SSU72: variants seen among roughly 807,000 people sequenced by gnomAD.
The protein encoded by SSU72 is RNA polymerase II subunit A C-terminal domain phosphatase SSU72.
SSU72 carries 12 observed loss-of-function variants against 22.7 expected under a neutral mutation model. The ratio of observed to expected loss-of-function variants is 0.53; its 90% CI spans 0.34 to 0.86. The LOEUF (loss-of-function observed/expected upper bound fraction) is 0.86. SSU72 is among the 40% of genes least tolerant of loss of function. The pLI is 0.02. For synonymous variants in SSU72, 116 were observed against 98.3 expected (o/e 1.18, Z -1.06); for missense variants, 151 against 249.8 (o/e 0.60, Z 2.67).
intron 1 of SSU72, among the ~76,000 whole-genome samples, chr1:1,566,347 AT>A (rs1642661308): frequency 6.6e-6 from 1 of 152,226 alleles, no homozygotes; most frequent in Non-Finnish European, 1.5e-5. Flanking sequence ...TACCTAAAAA[AT>A]ATAGACTTCT....
chr1:1,572,153 C>G (rs1317482078), intron 1 of SSU72, among the ~76,000 whole-genome samples: 2 of 149,624 alleles, frequency 1.3e-5, no homozygotes, highest in African/African-American at 2.4e-5. Context: ...TCTTGCCAGG[C>G]GCAGTAGCTC....
chr1:1,568,213 C>G (rs946186553), intron 1 of SSU72, among the ~76,000 whole-genome samples: 6 of 152,252 alleles, frequency 3.9e-5, no homozygotes, highest in Non-Finnish European at 5.9e-5. Flanking sequence ...GGAAAACACT[C>G]CTGACACCAA....
At position 1,574,552 on chromosome 1, in the gene SSU72, C is replaced by T; in HGVS notation, c.6G>A (p.Pro2=). 1 of 1,586,214 alleles carries T rather than the reference C, an allele frequency of 6.3e-7. No individual in the cohort carries two copies. The highest frequency in any genetic ancestry group is 8.6e-7 in the Non-Finnish European group (1 of 1,169,242). ...CCACCGCCACCCGCAGCGGGGACGA[C>T]GGCATGGCGGCGGCCGCAAATCCCG... The part of the protein sequence containing the change: M[P]SSPLRVAVVC... The change falls in exon 1 of 5, where the codon CCG becomes CCA. Residue 2 remains proline, a synonymous_variant. Coordinates refer to ENST00000291386, the MANE Select transcript of SSU72 (RefSeq NM_014188.3).
In SSU72 at chr1:1,564,490, A is replaced by C. The variant is rs574946977; in HGVS notation, c.224+283T>G. 4.7e-6 allele frequency: 7 copies of C among 1,485,082 alleles called. No individual in the cohort carries two copies. In the South Asian group the frequency reaches 9.6e-5, roughly 20 times the overall value. 92.0% of individuals were successfully genotyped at this position (1,485,082 alleles called of 1,614,324 possible). Reference sequence around the variant, plus strand: ...TTTGTGGGTTCCACCTCCTCACCTAAGCATCCCTGGTCTACGCTATGTCAC... The same window carrying C: ...TTTGTGGGTTCCACCTCCTCACCTACGCATCCCTGGTCTACGCTATGTCAC... On this transcript the variant is annotated intron_variant, in intron 2 of 4. Coordinates refer to ENST00000291386, the MANE Select transcript of SSU72 (RefSeq NM_014188.3).
Position 1,541,771 on chromosome 1 carries a change from C to A in SSU72, c.*295G>T. ...CCCGGTGGGGAGGAGGGAGGGAAGG[C>A]AGGCACACGAAGACACAGGTATGTC... On this transcript the variant is annotated 3_prime_UTR_variant, in exon 5 of 5. Transcript: ENST00000291386. 2.5e-6 allele frequency: 1 copy of A among 400,358 alleles called. No homozygotes were observed. Among genetic ancestry groups the A allele is most frequent in the Non-Finnish European group, 4.7e-6 (1 of 212,542 alleles). 24.8% of individuals were successfully genotyped at this position (400,358 alleles called of 1,614,324 possible). A position where few individuals can be genotyped will look rare whatever the true frequency, so the allele number is the denominator to read the frequency against.
At chr1:1,548,286 C>T (rs780913513) in intron 2 of SSU72, among the ~76,000 whole-genome samples, 7 of 152,152 alleles carry the variant, frequency 4.6e-5, no homozygotes, top group Admixed American at 6.5e-5. Flanking sequence ...CAGCTGGGCG[C>T]GGTGGCTCAC....
intron 1 of SSU72, among the ~76,000 whole-genome samples, chr1:1,568,615 C>T (rs867806748): frequency 6.6e-6 from 1 of 151,754 alleles, no homozygotes; most frequent in Non-Finnish European, 1.5e-5. Context: ...CAAAAAAACT[C>T]CAAAAAACTA....
chr1:1,554,836 C>T lies in SSU72; in HGVS notation c.225-9834G>A, dbSNP rs981350676. On this transcript the variant is annotated intron_variant, in intron 2 of 4. Coordinates refer to ENST00000291386, the MANE Select transcript of SSU72 (RefSeq NM_014188.3). The surrounding 1 kb of genome is among the most constrained non-coding windows in gnomAD (Gnocchi z 4.1). ...AGCACCATCCTGGGTTCCCTGCTGC[C>T]GGCGCCAGCCCCACGTACCCCCGAC... Among the ~76,000 whole-genome samples, 9 of 152,168 alleles carry T rather than the reference C, an allele frequency of 5.9e-5. No individual in the cohort carries two copies. Among genetic ancestry groups the T allele is most frequent in the Admixed American group, 2.0e-4 (3 of 15,272 alleles).
intron 2 of SSU72, among the ~76,000 whole-genome samples, chr1:1,556,721 G>A (rs1423317814): frequency 6.6e-6 from 1 of 152,208 alleles, no homozygotes; most frequent in Non-Finnish European, 1.5e-5. Context: ...AGCTCTGGGG[G>A]GGTCCACCAT....
At chr1:1,570,330 C>G (rs1193323079) in intron 1 of SSU72, among the ~76,000 whole-genome samples, 6 of 151,302 alleles carry the variant, frequency 4.0e-5, no homozygotes, top group Non-Finnish European at 7.4e-5. Context: ...GACATAAATT[C>G]CAACTTCAAT....
intron 1 of SSU72, among the ~76,000 whole-genome samples, chr1:1,568,658 C>T (rs1416481967): frequency 6.6e-6 from 1 of 152,078 alleles, no homozygotes; most frequent in Non-Finnish European, 1.5e-5. Context: ...GGCATGGTGG[C>T]TCACGCCTGT....
chr1:1,544,076 G>T, intron 3 of SSU72, 89 bp from the exon 4 acceptor site: 3 of 984,752 alleles, frequency 3.0e-6, no homozygotes, highest in Non-Finnish European at 4.7e-6. Context: ...TCTGCCGGCT[G>T]CAGGCCCAGC....
intron 1 of SSU72, among the ~76,000 whole-genome samples, chr1:1,572,347 G>A (rs181159560): frequency 2.2e-4 from 33 of 146,826 alleles, no homozygotes; most frequent in Admixed American, 1.1e-3. Context: ...AGAATAGTGT[G>A]AACCCAGGAG....
At chr1:1,565,866 C>A (rs570606067) in intron 1 of SSU72, among the ~76,000 whole-genome samples, 1 of 152,314 alleles carries the variant, frequency 6.6e-6, no homozygotes, top group South Asian at 2.1e-4. Context: ...AAAGAGAGGT[C>A]GTCTCCAAAC....
rs1379843905 is a variant in SSU72 at position 1,542,551 on chromosome 1, C to G, written c.484-384G>C. The stretch of plus-strand genomic sequence containing the variant: ...AAGCGAGCGGGGGCAGCCTGGTCAT[C>G]GGAGCATCCTGGCCTCCATCCACCA... On this transcript the variant is annotated intron_variant, in intron 4 of 4. Coordinates refer to ENST00000291386, the MANE Select transcript of SSU72 (RefSeq NM_014188.3). This position sits in a 1 kb window ranked among gnomAD's most constrained non-coding sequence, Gnocchi z 4.4. Among the ~76,000 whole-genome samples, 1 of 152,128 alleles carries G rather than the reference C, an allele frequency of 6.6e-6. No individual in the cohort carries two copies. Among genetic ancestry groups the G allele is most frequent in the Non-Finnish European group, 1.5e-5 (1 of 68,012 alleles).
chr1:1,568,152 C>G (rs539299711), intron 1 of SSU72, among the ~76,000 whole-genome samples: 2 of 152,342 alleles, frequency 1.3e-5, no homozygotes, highest in Middle Eastern at 6.8e-3. Context: ...ACCGACAGGG[C>G]AGCCAGCTTG....
chr1:1,561,001 T>G (rs926623985), intron 2 of SSU72: 11 of 152,238 alleles, frequency 7.2e-5, no homozygotes, highest in Non-Finnish European at 1.5e-4. Context: ...ACATGGCAAG[T>G]AGGCAGATGG....
At chr1:1,566,955 C>T (rs765832116) in intron 1 of SSU72, among the ~76,000 whole-genome samples, 2 of 152,148 alleles carry the variant, frequency 1.3e-5, no homozygotes, top group Non-Finnish European at 2.9e-5. Flanking sequence ...AGTCTCTATG[C>T]GGATAATGGG....
chr1:1,557,805 A>T (rs1348509455), intron 2 of SSU72, among the ~76,000 whole-genome samples: 2 of 152,154 alleles, frequency 1.3e-5, no homozygotes, highest in Admixed American at 1.3e-4. Context: ...CTCAAAAAAG[A>T]AGTCTACCAC....
Sources: allele counts gnomAD v4.1 joint callset (sites outside exome capture counted in the v4.1 genomes callset), GRCh38; gene constraint gnomAD v4.1.1; non-coding constraint Gnocchi (gnomAD v3.1); transcripts MANE v1.5; gene names NCBI Gene and HGNC (gene_info 2026-07-23, HGNC 2026-07-21).